The following DCAF12 variants were observed in gnomAD, a reference collection of about 807,000 sequenced individuals.
The protein encoded by DCAF12 is DDB1- and CUL4-associated factor 12.
In DCAF12, 28 loss-of-function variants were observed where a neutral mutation model predicts 52.8. The observed-to-expected ratio is 0.53, with a 90% CI of 0.39 to 0.73. The LOEUF is 0.73. DCAF12 is among the 30% of genes least tolerant of loss of function. The pLI, the probability that DCAF12 is intolerant of heterozygous loss-of-function variation, is 0.00. For synonymous variants in DCAF12, 196 were observed against 215.5 expected, an observed-to-expected ratio of 0.91 and a Z score of 0.79; for missense variants, 425 against 552.2, an observed-to-expected ratio of 0.77 and a Z score of 2.31.
At chr9:34,125,436 T>A in intron 1 of DCAF12, 159 bp from the exon 2 acceptor site, 1 of 852,956 alleles carries the variant, frequency 1.2e-6, no homozygotes, top group Admixed American at 2.8e-5. Flanking sequence ...AGAAAGTCGT[T>A]TAACTCTTCC....
At chr9:34,108,549 T>C (rs1828941310) in intron 2 of DCAF12, among the ~76,000 whole-genome samples, 2 of 152,136 alleles carry the variant, frequency 1.3e-5, no homozygotes, top group South Asian at 2.1e-4. Context: ...GCCAGCACTT[T>C]AGGAGGCCAA....
intron 1 of DCAF12, 91 bp from the exon 2 acceptor site, chr9:34,125,368 T>C: frequency 7.1e-7 from 1 of 1,409,532 alleles, no homozygotes. Context: ...TCATAACTCA[T>C]ACTGCAGAAT....
chr9:34,109,164 G>A (rs942886721), intron 2 of DCAF12: 6 of 152,332 alleles, frequency 3.9e-5, no homozygotes, highest in African/African-American at 1.4e-4. Context: ...CCCAAAAACA[G>A]AAGGCTCTAG....
chr9:34,110,151 G>A (rs1828976730), intron 2 of DCAF12, among the ~76,000 whole-genome samples: 1 of 151,914 alleles, frequency 6.6e-6, no homozygotes, highest in Non-Finnish European at 1.5e-5. Context: ...TCTCAAACTG[G>A]CAACTACCTG....
intron 6 of DCAF12, 29 bp from the exon 7 acceptor site, chr9:34,093,477 G>A (rs761190056): frequency 1.9e-6 from 3 of 1,610,654 alleles, no homozygotes; most frequent in Middle Eastern, 1.7e-4. Flanking sequence ...TATAACCATG[G>A]CATCAGCAGA....
At chr9:34,125,334 T>C in intron 1 of DCAF12, 57 bp from the exon 2 acceptor site, 1 of 1,582,362 alleles carries the variant, frequency 6.3e-7, no homozygotes, top group Non-Finnish European at 8.6e-7. Context: ...GAACAGATCC[T>C]ACTGTATTAC....
chr9:34,103,499 C>T (rs1376881839), intron 4 of DCAF12, among the ~76,000 whole-genome samples: 6 of 152,016 alleles, frequency 3.9e-5, no homozygotes, highest in East Asian at 1.9e-4. Flanking sequence ...GTTGTTTATT[C>T]GGAACACTCA....
At chr9:34,106,105 T>C (rs1480084945) in intron 4 of DCAF12, among the ~76,000 whole-genome samples, 1 of 151,318 alleles carries the variant, frequency 6.6e-6, no homozygotes. Flanking sequence ...AATAAGAAAT[T>C]ATTATTCTAC....
At chr9:34,098,208 C>G in intron 5 of DCAF12, 116 bp downstream of exon 5, 1 of 1,118,290 alleles carries the variant, frequency 8.9e-7, no homozygotes, top group Non-Finnish European at 1.3e-6. Flanking sequence ...AAGAGGTGTT[C>G]TGTGGGCTCA....
At chr9:34,103,095 C>CAAAAA (rs34456166) in intron 4 of DCAF12, among the ~76,000 whole-genome samples, 2 of 100,208 alleles carry the variant, frequency 2.0e-5, no homozygotes, top group African/African-American at 4.3e-5. Context: ...ACCTTAACTC[C>CAAAAA]AAAAAAAAAA....
intron 2 of DCAF12, among the ~76,000 whole-genome samples, chr9:34,119,601 AACG>A (rs1829140383): frequency 6.6e-6 from 1 of 152,200 alleles, no homozygotes; most frequent in Non-Finnish European, 1.5e-5. Flanking sequence ...TCTTGTTAAA[AACG>A]ACTTTTCCTT....
chr9:34,121,558 G>A (rs1182673886), intron 2 of DCAF12, among the ~76,000 whole-genome samples: 2 of 152,232 alleles, frequency 1.3e-5, no homozygotes, highest in East Asian at 1.9e-4. Flanking sequence ...AAGAGTTCAC[G>A]TCCAAAATTA....
At position 34,125,064 on chromosome 9, in the gene DCAF12, A is replaced by G. The variant is rs764815881; in HGVS notation, c.292T>C (p.Leu98=). 6.2e-7 allele frequency: 1 copy of G among 1,613,882 alleles called. No homozygotes were observed. Among genetic ancestry groups the G allele is most frequent in the Non-Finnish European group, 8.5e-7 (1 of 1,180,022 alleles). ...CCACACACCACTTGCCTATGATTCA[A>G]CCACTGAGATGCAAACACTTTATTA... ...TLNKVFASQW[L]NHRQVVCGTK... Residue 98 remains leucine, a synonymous_variant, in exon 2 of 9, where the codon TTG becomes CTG. Coordinates refer to ENST00000361264, the MANE Select transcript of DCAF12 (RefSeq NM_015397.4).
chr9:34,092,277 C>T (rs1390323136), intron 7 of DCAF12, among the ~76,000 whole-genome samples: 4 of 152,206 alleles, frequency 2.6e-5, no homozygotes, highest in African/African-American at 7.2e-5. Context: ...ACTCATTACC[C>T]TGAGGTTTCC....
intron 6 of DCAF12, among the ~76,000 whole-genome samples, chr9:34,095,372 CTTTTTTTTTTTTTTT>C (rs36066422): frequency 1.3e-5 from 1 of 78,166 alleles, no homozygotes; most frequent in African/African-American, 5.4e-5. Context: ...CGCGCCAGGC[CTTTTTTTTTTTTTTT>C]TTTTTTTTTT....
chr9:34,088,649 T>C, intron 8 of DCAF12, 141 bp from the exon 9 acceptor site: 1 of 912,608 alleles, frequency 1.1e-6, no homozygotes, highest in Non-Finnish European at 1.7e-6. Context: ...GATTGGCTGG[T>C]TGGTTCTCAT....
At position 34,107,548 on chromosome 9, in the gene DCAF12, G is replaced by A; in HGVS notation, c.351C>T (p.Val117=). The A allele has an allele frequency of 6.2e-7, 1 of 1,614,070 alleles. No homozygotes were observed. The highest frequency in any genetic ancestry group is 8.5e-7 in the Non-Finnish European group (1 of 1,180,010). Residue 117 remains valine, a synonymous_variant, in exon 3 of 9, where the codon GTC becomes GTT. Transcript: ENST00000361264. ...TKCNTLFVVD[V]QTSQITKIPI... is the part of the protein sequence containing the mutation. Reference sequence around the variant, plus strand: ...GGATCTTGGTGATCTGGCTTGTCTGGACATCTACGACAAATAGCTACAAGA... The same window carrying A: ...GGATCTTGGTGATCTGGCTTGTCTGAACATCTACGACAAATAGCTACAAGA...
At chr9:34,109,005 GTTT>G (rs373695590) in intron 2 of DCAF12, among the ~76,000 whole-genome samples, 3 of 137,692 alleles carry the variant, frequency 2.2e-5, no homozygotes, top group Admixed American at 7.4e-5. Context: ...TATATATATG[GTTT>G]TTTTTTTTTT....
At chr9:34,114,140 C>T (rs750356779) in intron 2 of DCAF12, among the ~76,000 whole-genome samples, 1 of 151,988 alleles carries the variant, frequency 6.6e-6, no homozygotes, top group Non-Finnish European at 1.5e-5. Context: ...ATACACAATG[C>T]AATACTGTTT....
Sources: allele counts gnomAD v4.1 joint callset (sites outside exome capture counted in the v4.1 genomes callset), GRCh38; gene constraint gnomAD v4.1.1; transcripts MANE v1.5; gene names NCBI Gene and HGNC (gene_info 2026-07-23, HGNC 2026-07-21).